The following ERAP1 variants were observed in gnomAD, a reference collection of about 807,000 sequenced individuals.
ERAP1 encodes adipocyte-derived leucine aminopeptidase.
A neutral mutation model predicts 103.7 loss-of-function variants in ERAP1; 86 were observed. The observed-to-expected ratio is 0.83, with a 90% CI of 0.70 to 0.99. ERAP1 has a LOEUF of 0.99. Among genes scored for constraint, ERAP1 ranks in the 50% least tolerant of loss-of-function variants. ERAP1 has a pLI of 0.00. For synonymous variants in ERAP1, 398 were observed against 402.4 expected (o/e 0.99, Z 0.13); for missense variants, 1,009 against 1,128.4 (o/e 0.89, Z 1.52).
At chr5:96,867,890 A>G in the ERAP1 span, among the ~76,000 whole-genome samples, 3 of 152,182 alleles carry the variant, frequency 2.0e-5, no homozygotes, top group Admixed American at 6.5e-5. Flanking sequence ...CCTGGCTAAC[A>G]TGGTGAAACA....
chr5:96,900,479 C>CT, the ERAP1 span, among the ~76,000 whole-genome samples: 181 of 152,194 alleles, frequency 1.2e-3, no homozygotes, highest in African/African-American at 4.2e-3. Context: ...GCATTGGCAT[C>CT]CCTTAAGCTC....
At chr5:96,830,362 G>A in the ERAP1 span, among the ~76,000 whole-genome samples, 10 of 152,288 alleles carry the variant, frequency 6.6e-5, no homozygotes, top group East Asian at 1.7e-3. Flanking sequence ...GAAGATGTGC[G>A]TACCCAATGA....
the ERAP1 span, among the ~76,000 whole-genome samples, chr5:96,886,180 C>T: frequency 1.6e-4 from 24 of 152,292 alleles, no homozygotes; most frequent in African/African-American, 5.5e-4. Flanking sequence ...CAACCTCACA[C>T]CCACATAACA....
At chr5:96,863,995 T>C in the ERAP1 span, among the ~76,000 whole-genome samples, 1 of 152,206 alleles carries the variant, frequency 6.6e-6, no homozygotes, top group Non-Finnish European at 1.5e-5. Flanking sequence ...TGTTAAATTC[T>C]ATACTATAAA....
the ERAP1 span, among the ~76,000 whole-genome samples, chr5:96,852,628 C>CT: frequency 4.6e-5 from 7 of 152,034 alleles, no homozygotes; most frequent in African/African-American, 1.4e-4. Flanking sequence ...TAGTACTTTC[C>CT]TACTTTTGAA....
At chr5:96,871,380 T>A in the ERAP1 span, among the ~76,000 whole-genome samples, 1 of 152,236 alleles carries the variant, frequency 6.6e-6, no homozygotes, top group Non-Finnish European at 1.5e-5. Flanking sequence ...GGAGAATAAA[T>A]CAGAGTCCCT....
intron 6 of ERAP1, 123 bp downstream of exon 6, chr5:96,793,680 T>C: frequency 8.6e-7 from 1 of 1,167,766 alleles, no homozygotes; most frequent in Non-Finnish European, 1.2e-6. Flanking sequence ...ACGAATGCTT[T>C]GGAGAAACAA....
chr5:96,834,335 T>TA, the ERAP1 span, among the ~76,000 whole-genome samples: 1 of 152,216 alleles, frequency 6.6e-6, no homozygotes, highest in African/African-American at 2.4e-5. Context: ...TACTATTTGT[T>TA]AGAGTTTGTC....
chr5:96,923,214 C>A, the ERAP1 span, among the ~76,000 whole-genome samples: 1 of 152,106 alleles, frequency 6.6e-6, no homozygotes, highest in Non-Finnish European at 1.5e-5. Flanking sequence ...TCCCGTCCTG[C>A]CGCCTTGGGC....
At chr5:96,786,378 A>T in intron 12 of ERAP1, 92 bp downstream of exon 12, 1 of 897,554 alleles carries the variant, frequency 1.1e-6, no homozygotes, top group Non-Finnish European at 1.8e-6. Context: ...CTTTTGCTTT[A>T]ACCAAGATAA....
chr5:96,935,820 C>G, the ERAP1 span: 1 of 332,846 alleles, frequency 3.0e-6, no homozygotes, highest in African/African-American at 2.2e-5. Context: ...GACTGAACAC[C>G]GTTCCCGGCC....
In ERAP1 at chr5:96,775,184, T is replaced by C. The variant is rs1773954465; in HGVS notation, c.*1212A>G. On this transcript the variant is annotated 3_prime_UTR_variant, in exon 19 of 19. Transcript: ENST00000443439. ...CCGTTGGTTTACCATGTTAGTAAAC[T>C]GTGCTTTCTATTATTATCATCTATA... The C allele has an allele frequency of 3.0e-6, 3 of 985,522 alleles. No individual in the cohort carries two copies. Among genetic ancestry groups the C allele is most frequent in the Non-Finnish European group, 3.6e-6 (3 of 829,894 alleles). 61.0% of individuals were successfully genotyped at this position (985,522 alleles called of 1,614,324 possible). A position where few individuals can be genotyped will look rare whatever the true frequency, so the allele number is the denominator to read the frequency against.
At chr5:96,879,891 T>TCC in the ERAP1 span, 1 of 1,614,142 alleles carries the variant, frequency 6.2e-7, no homozygotes, top group Non-Finnish European at 8.5e-7. Context: ...GAGCTAAGGC[T>TCC]CCCCAGTGTG....
At position 96,790,330 on chromosome 5, in the gene ERAP1, A is replaced by G; in HGVS notation, c.1490T>C (p.Phe497Ser). 6.2e-7 allele frequency: 1 copy of G among 1,614,144 alleles called. No individual in the cohort carries two copies. The highest frequency in any genetic ancestry group is 8.5e-7 in the Non-Finnish European group (1 of 1,180,012). The change falls in exon 10 of 19, where the codon TTT (phenylalanine) becomes TCT (serine). Residue 497 changes from phenylalanine to serine, a missense_variant. Physicochemically the swap from Phe to Ser is radical, Grantham distance 155 (BLOSUM62 -2). Around this residue, in one of 3 missense-constraint regions of ERAP1, gnomAD observed 611 missense variants for 651.7 expected, o/e 0.94. Transcript: ENST00000443439. ...AGATGAATGTTGACTTCTAGAGCAA[A>G]AGCCATCCATCCCTTTTACACCATC... ...PTDGVKGMDG[F>S]CSRSQHSSSS...
chr5:96,923,618 C>G, the ERAP1 span, among the ~76,000 whole-genome samples: 1 of 150,294 alleles, frequency 6.7e-6, no homozygotes, highest in Non-Finnish European at 1.5e-5. Context: ...GGCGGGAACC[C>G]AGGAGGCAGA....
the ERAP1 span, among the ~76,000 whole-genome samples, chr5:96,819,446 T>C: frequency 1.3e-5 from 2 of 152,076 alleles, no homozygotes; most frequent in Admixed American, 6.5e-5. Context: ...GAAAAATTGC[T>C]GTGAGAGGAG....
At chr5:96,785,656 TAGA>T in intron 13 of ERAP1, 129 bp downstream of exon 13, 1 of 907,474 alleles carries the variant, frequency 1.1e-6, no homozygotes, top group Admixed American at 2.3e-5. Context: ...CTTGGGTTGT[TAGA>T]AGAACTTAAA....
chr5:96,892,586 C>T, the ERAP1 span: 1 of 997,728 alleles, frequency 1.0e-6, no homozygotes, highest in Middle Eastern at 2.8e-4. Flanking sequence ...CTAAACCTAA[C>T]ACAACGTCAA....
the ERAP1 span, among the ~76,000 whole-genome samples, chr5:96,828,790 G>A: frequency 1.3e-5 from 2 of 152,080 alleles, no homozygotes; most frequent in Non-Finnish European, 2.9e-5. Context: ...TAGATTTTAA[G>A]AAATTACCCA....
Sources: allele counts gnomAD v4.1 joint callset (sites outside exome capture counted in the v4.1 genomes callset), GRCh38; gene constraint gnomAD v4.1.1; regional missense constraint gnomAD v4.1.1; transcripts MANE v1.5; gene names NCBI Gene and HGNC (gene_info 2026-07-23, HGNC 2026-07-21).